LGR6: variants seen among roughly 807,000 people sequenced by gnomAD.
LGR6 encodes leucine-rich repeat-containing G protein-coupled receptor 6.
In LGR6, 45 loss-of-function variants were observed where a neutral mutation model predicts 69.4. The ratio of observed to expected loss-of-function variants is 0.65; its 90% CI spans 0.51 to 0.83. The LOEUF (loss-of-function observed/expected upper bound fraction) is 0.83. Among genes scored for constraint, LGR6 ranks in the 40% least tolerant of loss-of-function variants. The probability of loss-of-function intolerance (pLI) is 0.00; values close to 1 mark genes in which losing one functional copy is unlikely to be tolerated. For synonymous variants in LGR6, 538 were observed against 555.0 expected (o/e 0.97, Z 0.43); for missense variants, 1,108 against 1,246.7 (o/e 0.89, Z 1.68).
chr1:202,319,372 C>A lies in LGR6; in HGVS notation c.*165C>A. On this transcript the variant is annotated 3_prime_UTR_variant, in exon 18 of 18. Coordinates refer to ENST00000367278, the MANE Select transcript of LGR6 (RefSeq NM_001017403.2). ...GATCACCTCTCTCCTGTGACCATCA[C>A]CAACGGGTGCCTCTTGGCCTGGCTT... is the stretch of plus-strand genomic sequence containing the variant. 1.5e-6 allele frequency: 1 copy of A among 685,778 alleles called. No homozygotes were observed. The highest frequency in any genetic ancestry group is 2.3e-6 in the Non-Finnish European group (1 of 442,688). The allele number at this position is 685,778 out of a possible 1,614,324, so 42.5% of individuals were successfully genotyped here.
At chr1:202,278,687 T>C (rs1261846252) in intron 5 of LGR6, among the ~76,000 whole-genome samples, 3 of 151,960 alleles carry the variant, frequency 2.0e-5, no homozygotes, top group Non-Finnish European at 2.9e-5. Context: ...AAGAGGAAGG[T>C]AAGGAAGACT....
chr1:202,213,475 C>T (rs1328781653), intron 1 of LGR6, among the ~76,000 whole-genome samples: 3 of 152,252 alleles, frequency 2.0e-5, no homozygotes, highest in East Asian at 1.9e-4. Context: ...AGATCAGGGG[C>T]GAGGCAGGTG....
intron 4 of LGR6, among the ~76,000 whole-genome samples, chr1:202,249,604 A>T (rs1318412336): frequency 2.0e-5 from 3 of 152,174 alleles, no homozygotes; most frequent in African/African-American, 7.2e-5. Context: ...ATCATCTCCT[A>T]TGCATATTCC....
chr1:202,258,541 C>A (rs1663970898), intron 4 of LGR6, among the ~76,000 whole-genome samples: 1 of 151,564 alleles, frequency 6.6e-6, no homozygotes, highest in African/African-American at 2.4e-5. Context: ...GTTAGAATTA[C>A]TCCATGATAT....
At chr1:202,229,393 G>A (rs1660825163) in intron 3 of LGR6, among the ~76,000 whole-genome samples, 1 of 152,136 alleles carries the variant, frequency 6.6e-6, no homozygotes, top group African/African-American at 2.4e-5. Flanking sequence ...TCTCTGCCCT[G>A]GGGAGCAGGG....
chr1:202,212,799 T>A (rs1471171690), intron 1 of LGR6, among the ~76,000 whole-genome samples: 1 of 152,126 alleles, frequency 6.6e-6, no homozygotes, highest in East Asian at 1.9e-4. Context: ...AGACACACCT[T>A]TAGGGAGGCC....
intron 6 of LGR6, among the ~76,000 whole-genome samples, chr1:202,291,197 T>G (rs1281713420): frequency 6.6e-6 from 1 of 152,210 alleles, no homozygotes; most frequent in Admixed American, 6.5e-5. Context: ...TGGCTGGAGT[T>G]GGAAGTGGTT....
intron 1 of LGR6, among the ~76,000 whole-genome samples, chr1:202,205,407 C>CACCT (rs1457897485): frequency 2.8e-5 from 1 of 35,638 alleles, no homozygotes; most frequent in Non-Finnish European, 6.6e-5. Context: ...AACACACACA[C>CACCT]CTCCAAACAC....
chr1:202,298,836 T>C (rs1362033188), intron 7 of LGR6, among the ~76,000 whole-genome samples: 1 of 151,940 alleles, frequency 6.6e-6, no homozygotes, highest in African/African-American at 2.4e-5. Flanking sequence ...AGTATCTTTA[T>C]AGCTCAAACC....
intron 4 of LGR6, among the ~76,000 whole-genome samples, chr1:202,271,316 AC>A (rs1030765002): frequency 2.6e-5 from 4 of 151,996 alleles, no homozygotes; most frequent in African/African-American, 4.8e-5. Context: ...GGACCCCCCT[AC>A]CCTAGAGGAC....
At chr1:202,276,285 C>T (rs372805300) in intron 4 of LGR6, 21 bp from the exon 5 acceptor site, 12 of 1,600,926 alleles carry the variant, frequency 7.5e-6, no homozygotes, top group South Asian at 1.1e-5. Flanking sequence ...ATTGACCCCT[C>T]TCCATCCTCT....
intron 8 of LGR6, 97 bp from the exon 9 acceptor site, chr1:202,301,067 G>A (rs1449703496): frequency 7.3e-7 from 1 of 1,366,580 alleles, no homozygotes; most frequent in African/African-American, 1.4e-5. Flanking sequence ...GTTCTTTCCT[G>A]GGTCTACATT....
At chr1:202,305,569 C>T in intron 11 of LGR6, 115 bp from the exon 12 acceptor site, 1 of 854,312 alleles carries the variant, frequency 1.2e-6, no homozygotes, top group Non-Finnish European at 2.0e-6. Context: ...GTGGGGTCCC[C>T]ACAGCCTTCA....
chr1:202,245,276 T>A (rs929097972), intron 4 of LGR6, among the ~76,000 whole-genome samples: 3 of 83,758 alleles, frequency 3.6e-5, no homozygotes, highest in African/African-American at 1.4e-4. Flanking sequence ...ACCACATACG[T>A]TTGGGGCAGA....
chr1:202,208,554 C>A (rs553474813), intron 1 of LGR6, among the ~76,000 whole-genome samples: 1 of 152,080 alleles, frequency 6.6e-6, no homozygotes, highest in African/African-American at 2.4e-5. Context: ...ATCATCAGCA[C>A]CTCGAGGGCT....
At chr1:202,287,695 T>C (rs950223960) in intron 6 of LGR6, among the ~76,000 whole-genome samples, 1 of 152,116 alleles carries the variant, frequency 6.6e-6, no homozygotes, top group East Asian at 1.9e-4. Context: ...CTTGGAGTCA[T>C]CCAAAACAAC....
chr1:202,318,058 C>T lies in LGR6; in HGVS notation c.1755C>T (p.Thr585=), dbSNP rs1362624405. The change falls in exon 18 of 18, where the codon ACC becomes ACT. Residue 585 remains threonine (T), a synonymous_variant. Transcript: ENST00000367278. ...TCTGCAATGGACTGGTGCTGCTGAC[C>T]GTGTTCGCTGGCGGGCCTGTCCCCC... ...SVLCNGLVLL[T]VFAGGPVPLP... 3.1e-6 allele frequency: 5 copies of T among 1,614,176 alleles called. No individual in the cohort carries two copies. The highest frequency in any genetic ancestry group is 2.2e-5 in the East Asian group (1 of 44,864).
chr1:202,194,705 C>CT, intron 1 of LGR6: 1 of 198,790 alleles, frequency 5.0e-6, no homozygotes, highest in Non-Finnish European at 9.4e-6. Context: ...TTCGTGGGGG[C>CT]GGGGGGGGCG....
At chr1:202,227,166 A>T (rs1660620725) in intron 2 of LGR6, among the ~76,000 whole-genome samples, 1 of 152,094 alleles carries the variant, frequency 6.6e-6, no homozygotes, top group Admixed American at 6.5e-5. Context: ...TTTATTAGAG[A>T]TATATGTTTT....
Sources: allele counts gnomAD v4.1 joint callset (sites outside exome capture counted in the v4.1 genomes callset), GRCh38; gene constraint gnomAD v4.1.1; transcripts MANE v1.5; gene names NCBI Gene and HGNC (gene_info 2026-07-23, HGNC 2026-07-21).